GRIK2: variants seen among roughly 807,000 people sequenced by gnomAD.
GRIK2 encodes glutamate receptor ionotropic, kainate 2.
GRIK2 carries 32 observed loss-of-function variants against 100.3 expected under a neutral mutation model. That is an observed-to-expected ratio of 0.32 (90% CI 0.24 to 0.43). The LOEUF (loss-of-function observed/expected upper bound fraction) is 0.43. Ranked by LOEUF, GRIK2 falls within the 20% of genes least tolerant of loss-of-function variation. GRIK2 has a pLI of 1.00. For missense variants in GRIK2, 843 were observed against 1,114.9 expected (o/e 0.76, Z 3.47); for synonymous variants, 417 against 389.4 (o/e 1.07, Z -0.83).
At chr6:101,920,639 G>A (rs1397610822) in intron 12 of GRIK2, among the ~76,000 whole-genome samples, 1 of 151,830 alleles carries the variant, frequency 6.6e-6, no homozygotes, top group Non-Finnish European at 1.5e-5. Context: ...TGAAGGATGG[G>A]TGTAGGATTT....
intron 7 of GRIK2, among the ~76,000 whole-genome samples, chr6:101,738,142 T>C (rs1328331484): frequency 7.1e-6 from 1 of 140,030 alleles, no homozygotes; most frequent in Admixed American, 7.6e-5. Context: ...AAATATACAA[T>C]TGACACATTA....
At position 101,643,167 on chromosome 6, in the gene GRIK2, C is replaced by A. The variant is rs76939592; in HGVS notation, c.541+16530C>A. 1.1e-3 allele frequency among the ~76,000 whole-genome samples: 166 copies of A among 151,560 alleles called. 4 individuals are homozygous for A. The East Asian group carries it at 0.031, about 28-fold the overall frequency. ...TTATTTGCAAATGTTTTCTTCTATT[C>A]CATGGGTTGCTTTTTCACGTTGTTG... On this transcript the variant is annotated intron_variant, in intron 4 of 16. Transcript: ENST00000369134.
At chr6:101,707,556 ATATATATGTATATATGTGTATG>A (rs1416731772) in intron 7 of GRIK2, among the ~76,000 whole-genome samples, 7 of 123,624 alleles carry the variant, frequency 5.7e-5, no homozygotes, top group Non-Finnish European at 9.7e-5. Flanking sequence ...ATATATGTGT[ATATATATGTATATATGTGTATG>A]TGTGTGTGTG....
intron 7 of GRIK2, among the ~76,000 whole-genome samples, chr6:101,762,168 G>GTCTCTCTC (rs372643035): frequency 1.4e-4 from 17 of 121,838 alleles, no homozygotes; most frequent in African/African-American, 5.1e-4. Context: ...CTCTGTCTCT[G>GTCTCTCTC]TCTCTCTCTC....
chr6:101,622,143 G>C, intron 3 of GRIK2, 27 bp downstream of exon 3: 2 of 1,399,134 alleles, frequency 1.4e-6, no homozygotes, highest in South Asian at 1.3e-5. Context: ...TAACATCTTT[G>C]TTTCCTGGAA....
intron 14 of GRIK2, among the ~76,000 whole-genome samples, chr6:101,979,555 G>T (rs1435402858): frequency 6.6e-6 from 1 of 151,888 alleles, no homozygotes; most frequent in Non-Finnish European, 1.5e-5. Flanking sequence ...GCAGAGGTGG[G>T]TAAGAAGAAA....
intron 7 of GRIK2, among the ~76,000 whole-genome samples, chr6:101,737,482 G>T (rs1449598195): frequency 6.6e-6 from 1 of 152,148 alleles, no homozygotes; most frequent in African/African-American, 2.4e-5. Flanking sequence ...GAGAGAGCTT[G>T]TGTAGGGAAA....
chr6:101,501,795 T>C (rs1401145049), intron 2 of GRIK2, among the ~76,000 whole-genome samples: 1 of 152,178 alleles, frequency 6.6e-6, no homozygotes, highest in Non-Finnish European at 1.5e-5. Flanking sequence ...TCTCACTTTA[T>C]CACTTAGGCT....
chr6:101,939,215 C>T (rs1007495267), intron 14 of GRIK2, among the ~76,000 whole-genome samples: 10 of 151,972 alleles, frequency 6.6e-5, no homozygotes, highest in African/African-American at 1.2e-4. Flanking sequence ...CAAGTTGTGG[C>T]GTGAAATCCT....
chr6:101,809,727 A>C (rs568359841), intron 9 of GRIK2, among the ~76,000 whole-genome samples: 1 of 152,184 alleles, frequency 6.6e-6, no homozygotes. Flanking sequence ...CTAAAAACAA[A>C]AATACTTCCT....
intron 4 of GRIK2, among the ~76,000 whole-genome samples, chr6:101,668,518 C>A (rs754723005): frequency 2.6e-5 from 4 of 151,742 alleles, no homozygotes; most frequent in African/African-American, 4.8e-5. Context: ...AAAATTAATT[C>A]TTTGAAAGGC....
At chr6:101,976,716 A>G (rs1426918066) in intron 14 of GRIK2, among the ~76,000 whole-genome samples, 2 of 151,506 alleles carry the variant, frequency 1.3e-5, no homozygotes, top group Non-Finnish European at 2.9e-5. Context: ...GGTCTGTGGA[A>G]TATGGATTTA....
At chr6:101,883,505 C>G (rs1786409966) in intron 11 of GRIK2, among the ~76,000 whole-genome samples, 1 of 151,902 alleles carries the variant, frequency 6.6e-6, no homozygotes, top group African/African-American at 2.4e-5. Flanking sequence ...TAGAAAAAGA[C>G]TGACAAGTGA....
At chr6:101,730,249 C>G (rs979628163) in intron 7 of GRIK2, among the ~76,000 whole-genome samples, 2 of 151,844 alleles carry the variant, frequency 1.3e-5, no homozygotes, top group Non-Finnish European at 2.9e-5. Flanking sequence ...AACAAAGGAT[C>G]CAGAAGTAAA....
At chr6:101,988,869 A>G (rs1454000418) in intron 14 of GRIK2, among the ~76,000 whole-genome samples, 1 of 152,002 alleles carries the variant, frequency 6.6e-6, no homozygotes, top group African/African-American at 2.4e-5. Flanking sequence ...GTCAAAGTAT[A>G]ATGAATTTAT....
intron 2 of GRIK2, among the ~76,000 whole-genome samples, chr6:101,577,278 CT>C (rs1393651348): frequency 6.6e-6 from 1 of 151,742 alleles, no homozygotes; most frequent in Non-Finnish European, 1.5e-5. Flanking sequence ...ATTAAAGTGA[CT>C]TTTTTTATTT....
At chr6:101,888,954 A>G (rs1356903116) in intron 11 of GRIK2, among the ~76,000 whole-genome samples, 1 of 152,146 alleles carries the variant, frequency 6.6e-6, no homozygotes. Context: ...CTAATTCAAC[A>G]TATTTAAGCT....
chr6:101,486,803 G>T (rs941135641), intron 2 of GRIK2, among the ~76,000 whole-genome samples: 1 of 142,450 alleles, frequency 7.0e-6, no homozygotes, highest in Admixed American at 7.0e-5. Flanking sequence ...GAGGTATTTT[G>T]ATTTACAAGT....
At chr6:101,592,000 C>T (rs373499982) in intron 2 of GRIK2, among the ~76,000 whole-genome samples, 8 of 151,942 alleles carry the variant, frequency 5.3e-5, no homozygotes, top group Non-Finnish European at 5.9e-5. Context: ...TGCTGGTGAA[C>T]GAATTCTTGC....
Sources: gnomAD v4.1 joint callset for allele counts (sites outside exome capture counted in the v4.1 genomes callset) on GRCh38, gnomAD v4.1.1 for gene constraint, MANE v1.5 for transcripts, NCBI Gene and HGNC (gene_info 2026-07-23, HGNC 2026-07-21) for gene names.